The following SGMS1 variants were observed in gnomAD, a reference collection of about 807,000 sequenced individuals.
SGMS1 encodes sphingomyelin synthase 1.
A neutral mutation model predicts 46.2 loss-of-function variants in SGMS1; 13 were observed. That is an observed-to-expected ratio of 0.28 (90% CI 0.18 to 0.45). The LOEUF (loss-of-function observed/expected upper bound fraction) is 0.45, where lower values mean the gene tolerates loss of function less well. Among genes scored for constraint, SGMS1 ranks in the 20% least tolerant of loss-of-function variants. The pLI is 1.00. For missense variants in SGMS1, 324 were observed against 519.9 expected, an observed-to-expected ratio of 0.62 and a Z score of 3.66; for synonymous variants, 203 against 187.8, an observed-to-expected ratio of 1.08 and a Z score of -0.66.
chr10:50,357,915 T>C (rs1272409250), intron 6 of SGMS1, among the ~76,000 whole-genome samples: 1 of 152,172 alleles, frequency 6.6e-6, no homozygotes, highest in East Asian at 1.9e-4. Flanking sequence ...AAAAGAATGA[T>C]GAAAGTCCTA....
chr10:50,314,509 A>G (rs923744289), intron 8 of SGMS1, among the ~76,000 whole-genome samples: 6 of 152,208 alleles, frequency 3.9e-5, no homozygotes, highest in African/African-American at 1.2e-4. Flanking sequence ...ATAATCACCA[A>G]TAGTTTACCA....
chr10:50,319,161 C>CAA (rs5784829), intron 8 of SGMS1, among the ~76,000 whole-genome samples: 1,669 of 107,790 alleles, frequency 0.015, 11 homozygotes, highest in Non-Finnish European at 0.019. Context: ...GATTTGCCAC[C>CAA]AAAAAAAAAA....
intron 2 of SGMS1, among the ~76,000 whole-genome samples, chr10:50,577,877 T>A (rs966608662): frequency 7.2e-5 from 11 of 152,224 alleles, no homozygotes; most frequent in African/African-American, 2.2e-4. Flanking sequence ...TGCACAGAGC[T>A]GCGAAGCTTG....
At chr10:50,382,930 C>A (rs978202798) in intron 6 of SGMS1, among the ~76,000 whole-genome samples, 20 of 152,094 alleles carry the variant, frequency 1.3e-4, no homozygotes, top group African/African-American at 4.3e-4. Flanking sequence ...TCATGAAATG[C>A]CTCACACATG....
intron 6 of SGMS1, among the ~76,000 whole-genome samples, chr10:50,367,384 C>T (rs1848363353): frequency 6.6e-6 from 1 of 152,172 alleles, no homozygotes; most frequent in African/African-American, 2.4e-5. Context: ...TACAAAAGAT[C>T]AAACTATTTT....
chr10:50,364,253 A>G (rs1848299091), intron 6 of SGMS1, among the ~76,000 whole-genome samples: 1 of 152,206 alleles, frequency 6.6e-6, no homozygotes, highest in African/African-American at 2.4e-5. Context: ...TTTTAAATCT[A>G]AAAAGAGAAA....
intron 1 of SGMS1, among the ~76,000 whole-genome samples, chr10:50,618,206 T>C (rs1018747025): frequency 5.3e-4 from 80 of 152,302 alleles, no homozygotes; most frequent in African/African-American, 1.7e-3. Context: ...TTCCCATATA[T>C]GAAGATGAAC....
intron 6 of SGMS1, among the ~76,000 whole-genome samples, chr10:50,365,420 T>A (rs112459144): frequency 5.8e-4 from 89 of 152,280 alleles, no homozygotes; most frequent in East Asian, 1.2e-3. Flanking sequence ...AAGTTTTTTT[T>A]AAAATTTTAT....
chr10:50,621,540 T>G (rs992285095), intron 1 of SGMS1, among the ~76,000 whole-genome samples: 2 of 152,234 alleles, frequency 1.3e-5, no homozygotes, highest in Non-Finnish European at 2.9e-5. Flanking sequence ...TTTTAAAATT[T>G]CAGCTGCAGA....
At chr10:50,337,360 T>C (rs1847732635) in intron 7 of SGMS1, among the ~76,000 whole-genome samples, 1 of 152,174 alleles carries the variant, frequency 6.6e-6, no homozygotes, top group South Asian at 2.1e-4. Flanking sequence ...CCACAGTATA[T>C]GGCTAATATA....
At chr10:50,380,833 G>A (rs532537256) in intron 6 of SGMS1, among the ~76,000 whole-genome samples, 8 of 152,070 alleles carry the variant, frequency 5.3e-5, no homozygotes, top group African/African-American at 1.9e-4. Flanking sequence ...GGTATTTGAT[G>A]GCATTTTTCT....
At chr10:50,495,470 G>T (rs935758225) in intron 3 of SGMS1, among the ~76,000 whole-genome samples, 1 of 152,214 alleles carries the variant, frequency 6.6e-6, no homozygotes, top group East Asian at 1.9e-4. Context: ...TCTGTAAAAA[G>T]ACTGGTCATT....
At chr10:50,454,892 GC>G (rs1438024757) in intron 5 of SGMS1, among the ~76,000 whole-genome samples, 2 of 152,138 alleles carry the variant, frequency 1.3e-5, no homozygotes, top group African/African-American at 4.8e-5. Context: ...CATAGGTCAT[GC>G]ATTTTAGACT....
intron 1 of SGMS1, among the ~76,000 whole-genome samples, chr10:50,610,004 C>A (rs1838734665): frequency 6.6e-6 from 1 of 152,194 alleles, no homozygotes; most frequent in African/African-American, 2.4e-5. Context: ...CTCCAAGGGG[C>A]CTCTGTGCTC....
chr10:50,425,849 G>A (rs1220659648), intron 6 of SGMS1, among the ~76,000 whole-genome samples: 2 of 152,220 alleles, frequency 1.3e-5, no homozygotes, highest in Admixed American at 6.5e-5. Context: ...TCTGAGGTGT[G>A]CAAGTTAAAA....
chr10:50,576,199 G>A (rs186222965), intron 2 of SGMS1, among the ~76,000 whole-genome samples: 328 of 152,282 alleles, frequency 2.2e-3, no homozygotes, highest in Non-Finnish European at 4.1e-3. Flanking sequence ...TGGATGTGCT[G>A]AGGCAGCTCA....
intron 1 of SGMS1, among the ~76,000 whole-genome samples, chr10:50,619,672 C>A (rs190385302): frequency 1.3e-5 from 2 of 152,282 alleles, no homozygotes; most frequent in African/African-American, 4.8e-5. Context: ...AGGTAAATCA[C>A]CCAAATTATC....
chr10:50,563,114 T>C (rs1431444440), intron 2 of SGMS1, among the ~76,000 whole-genome samples: 1 of 152,214 alleles, frequency 6.6e-6, no homozygotes, highest in Admixed American at 6.5e-5. Context: ...AACTAGTAAG[T>C]AGCTCACCAG....
intron 6 of SGMS1, among the ~76,000 whole-genome samples, chr10:50,426,360 TA>T (rs1378787008): frequency 6.6e-6 from 1 of 152,238 alleles, no homozygotes; most frequent in African/African-American, 2.4e-5. Context: ...TTATCAACAT[TA>T]ATGGTATTTC....
Sources: allele counts gnomAD v4.1 joint callset (sites outside exome capture counted in the v4.1 genomes callset), GRCh38; gene constraint gnomAD v4.1.1; transcripts MANE v1.5; gene names NCBI Gene and HGNC (gene_info 2026-07-23, HGNC 2026-07-21).